MATN2: variants seen among roughly 807,000 people sequenced by gnomAD.
MATN2 encodes matrilin-2.
A neutral mutation model predicts 103.2 loss-of-function variants in MATN2; 69 were observed. The ratio of observed to expected loss-of-function variants is 0.67; its 90% CI spans 0.55 to 0.82. The LOEUF is 0.82. Among genes scored for constraint, MATN2 ranks in the 40% least tolerant of loss-of-function variants. MATN2 has a pLI of 0.00. For missense variants in MATN2, 1,023 were observed against 1,211.5 expected, an observed-to-expected ratio of 0.84 and a Z score of 2.31; for synonymous variants, 429 against 450.2, an observed-to-expected ratio of 0.95 and a Z score of 0.60.
intron 4 of MATN2, among the ~76,000 whole-genome samples, chr8:97,954,996 AG>A (rs1436005212): frequency 6.6e-6 from 1 of 152,164 alleles, no homozygotes; most frequent in African/African-American, 2.4e-5. Flanking sequence ...GTAGGGGAAA[AG>A]GAGGTCAGGA....
At chr8:98,012,811 G>A (rs1813216826) in intron 10 of MATN2, among the ~76,000 whole-genome samples, 1 of 152,198 alleles carries the variant, frequency 6.6e-6, no homozygotes, top group South Asian at 2.1e-4. Context: ...CCCCAGGACA[G>A]CTAAGACCAG....
intron 2 of MATN2, among the ~76,000 whole-genome samples, chr8:97,901,606 T>C (rs1400864283): frequency 6.6e-6 from 1 of 152,228 alleles, no homozygotes; most frequent in Non-Finnish European, 1.5e-5. Flanking sequence ...ATTCATCCAT[T>C]CAACAAATAC....
intron 1 of MATN2, among the ~76,000 whole-genome samples, chr8:97,885,557 G>A (rs2129969593): frequency 6.6e-6 from 1 of 152,246 alleles, no homozygotes; most frequent in African/African-American, 2.4e-5. Flanking sequence ...TTGAGAAAGG[G>A]GCAAGATGTT....
chr8:97,962,641 T>C (rs545359763), intron 5 of MATN2, among the ~76,000 whole-genome samples: 32 of 152,174 alleles, frequency 2.1e-4, no homozygotes, highest in South Asian at 1.0e-3. Flanking sequence ...GTGGTGGCCA[T>C]GATAGAGTGG....
intron 6 of MATN2, among the ~76,000 whole-genome samples, chr8:97,992,446 A>C (rs1259882076): frequency 6.6e-6 from 1 of 152,098 alleles, no homozygotes; most frequent in African/African-American, 2.4e-5. Context: ...GCATTTATGG[A>C]CAAAATAATA....
intron 2 of MATN2, among the ~76,000 whole-genome samples, chr8:97,906,043 A>T (rs1309277056): frequency 6.6e-6 from 1 of 152,080 alleles, no homozygotes. Flanking sequence ...ATTCTTTTGG[A>T]TATATACTAA....
At chr8:97,995,926 T>C (rs921826362) in intron 7 of MATN2, among the ~76,000 whole-genome samples, 1 of 152,236 alleles carries the variant, frequency 6.6e-6, no homozygotes, top group Non-Finnish European at 1.5e-5. Context: ...AAGCTATTTT[T>C]CATAAGACCA....
At position 97,941,034 on chromosome 8, in the gene MATN2, C is replaced by T. The variant is rs140169899; in HGVS notation, c.713-743C>T. Among the ~76,000 whole-genome samples the T allele has an allele frequency of 3.2e-3, 483 of 151,808 alleles. 4 individuals are homozygous for T. The highest frequency in any genetic ancestry group is 0.01 in the African/African-American group (431 of 41,418). On this transcript the variant is annotated intron_variant, in intron 3 of 18. Transcript: ENST00000254898. ...AAAATTAGCCGGGCATGGTGGCACACGCCCATAGTCCCAGCTACTCAGGAA... is the reference window on the plus strand; with the variant it reads ...AAAATTAGCCGGGCATGGTGGCACATGCCCATAGTCCCAGCTACTCAGGAA...
At chr8:97,998,519 C>CAAA (rs58751449) in intron 7 of MATN2, among the ~76,000 whole-genome samples, 5 of 111,212 alleles carry the variant, frequency 4.5e-5, no homozygotes, top group African/African-American at 9.8e-5. Flanking sequence ...GACTCTGTCT[C>CAAA]AAAAAAAAAA....
At chr8:98,014,268 G>A (rs898579506) in intron 10 of MATN2, among the ~76,000 whole-genome samples, 1 of 151,882 alleles carries the variant, frequency 6.6e-6, no homozygotes, top group Admixed American at 6.6e-5. Context: ...AAATGGAGTA[G>A]TAGTAGTATT....
At chr8:98,016,448 A>C in intron 10 of MATN2, 92 bp from the exon 11 acceptor site, 1 of 1,157,114 alleles carries the variant, frequency 8.6e-7, no homozygotes, top group East Asian at 2.6e-5. Context: ...GTTTTAATTC[A>C]AAGTGTCTGA....
chr8:97,954,196 A>G (rs1430172979), intron 4 of MATN2, among the ~76,000 whole-genome samples: 4 of 152,136 alleles, frequency 2.6e-5, no homozygotes, highest in African/African-American at 9.7e-5. Flanking sequence ...AGGAGACGTA[A>G]CTGACATCCT....
At chr8:98,015,493 A>T (rs1321181205) in intron 10 of MATN2, among the ~76,000 whole-genome samples, 1 of 152,070 alleles carries the variant, frequency 6.6e-6, no homozygotes, top group East Asian at 1.9e-4. Flanking sequence ...CCTGAAACAC[A>T]CCAACCAAGC....
intron 4 of MATN2, among the ~76,000 whole-genome samples, chr8:97,958,908 C>T (rs1811221111): frequency 6.6e-6 from 1 of 152,164 alleles, no homozygotes; most frequent in Admixed American, 6.5e-5. Flanking sequence ...CTGCTACTTC[C>T]CCTGGAATTT....
chr8:97,870,301 C>T (rs935627699), intron 1 of MATN2, among the ~76,000 whole-genome samples: 2 of 152,130 alleles, frequency 1.3e-5, no homozygotes, highest in Non-Finnish European at 2.9e-5. Context: ...GGCGGATCAC[C>T]TGAGGTCGGG....
chr8:98,032,832 GT>G (rs1814088917), intron 16 of MATN2, among the ~76,000 whole-genome samples: 1 of 151,536 alleles, frequency 6.6e-6, no homozygotes, highest in Non-Finnish European at 1.5e-5. Flanking sequence ...GTGCCCGGCT[GT>G]TTTTGTTTTG....
chr8:97,875,662 T>C (rs1818042218), intron 1 of MATN2, among the ~76,000 whole-genome samples: 1 of 151,380 alleles, frequency 6.6e-6, no homozygotes, highest in South Asian at 2.1e-4. Flanking sequence ...TTTATTTTGC[T>C]CTCTGGATCT....
chr8:98,026,849 G>A (rs1045011452), intron 13 of MATN2, among the ~76,000 whole-genome samples: 1 of 152,188 alleles, frequency 6.6e-6, no homozygotes, highest in Non-Finnish European at 1.5e-5. Context: ...GGTCACTATT[G>A]CAATCCTGCT....
At chr8:97,961,872 G>A (rs1811327223) in intron 5 of MATN2, among the ~76,000 whole-genome samples, 1 of 152,178 alleles carries the variant, frequency 6.6e-6, no homozygotes, top group Admixed American at 6.5e-5. Context: ...TATAGCTCAG[G>A]TGTTATACAT....
Sources: gnomAD v4.1 joint callset for allele counts (sites outside exome capture counted in the v4.1 genomes callset) on GRCh38, gnomAD v4.1.1 for gene constraint, MANE v1.5 for transcripts, NCBI Gene and HGNC (gene_info 2026-07-23, HGNC 2026-07-21) for gene names.